The following DSE variants were observed in gnomAD, a reference collection of about 807,000 sequenced individuals.
DSE encodes the protein dermatan sulfate epimerase, also known as dermatan-sulfate epimerase.
Under a neutral mutation model 84.4 loss-of-function variants are expected in DSE, and 36 were observed. The observed-to-expected ratio is 0.43, with a 90% CI of 0.33 to 0.56. The LOEUF (loss-of-function observed/expected upper bound fraction) is 0.56, where lower values mean the gene tolerates loss of function less well. Ranked by LOEUF, DSE falls within the 20% of genes least tolerant of loss-of-function variation. DSE has a pLI of 0.06. For synonymous variants in DSE, 410 were observed against 430.1 expected (o/e 0.95, Z 0.58); for missense variants, 862 against 1,169.6 (o/e 0.74, Z 3.84).
chr6:116,286,484 C>G (rs1773913395), intron 2 of DSE, among the ~76,000 whole-genome samples: 1 of 152,126 alleles, frequency 6.6e-6, no homozygotes, highest in South Asian at 2.1e-4. Flanking sequence ...AGTATTTTCT[C>G]AACTCTATCA....
At chr6:116,276,387 C>A (rs1352018550) in intron 2 of DSE, among the ~76,000 whole-genome samples, 2 of 152,130 alleles carry the variant, frequency 1.3e-5, no homozygotes, top group Non-Finnish European at 2.9e-5. Flanking sequence ...GGAGGTTGTG[C>A]TGCATAAACT....
chr6:116,259,471 C>T (rs1457573231), intron 2 of DSE, among the ~76,000 whole-genome samples: 3 of 152,182 alleles, frequency 2.0e-5, no homozygotes, highest in Non-Finnish European at 4.4e-5. Context: ...CTTCAATTCA[C>T]ATTTATATCT....
chr6:116,390,204 A>AC (rs1262836108), intron 1 of DSE, among the ~76,000 whole-genome samples: 4 of 151,782 alleles, frequency 2.6e-5, no homozygotes, highest in Non-Finnish European at 5.9e-5. Flanking sequence ...AGTAGCTGGG[A>AC]CCCCAGGTAC....
chr6:116,426,725 G>GAA lies in DSE; in HGVS notation c.570_571dup (p.Thr191LysfsTer29). On this transcript the variant is annotated frameshift_variant, in exon 3 of 6. Coordinates refer to ENST00000644252, the MANE Select transcript of DSE (RefSeq NM_013352.4). LOFTEE classifies it high-confidence loss of function. The stretch of plus-strand genomic sequence containing the variant: ...TGCCAATGCCTCAGGGTATATGTAT[G>GAA]AAACTTCATACAGGAGAGGATGGGG... The GAA allele has an allele frequency of 6.2e-7, 1 of 1,614,156 alleles. No homozygotes were observed. Among genetic ancestry groups the GAA allele is most frequent in the Non-Finnish European group, 8.5e-7 (1 of 1,180,028 alleles).
chr6:116,308,890 G>A (rs977402538), intron 2 of DSE, among the ~76,000 whole-genome samples: 1 of 152,014 alleles, frequency 6.6e-6, no homozygotes, highest in Non-Finnish European at 1.5e-5. Context: ...GCCCGGCCTT[G>A]TTGCATTCTT....
At chr6:116,262,130 C>A (rs1214460294) in intron 2 of DSE, among the ~76,000 whole-genome samples, 1 of 152,092 alleles carries the variant, frequency 6.6e-6, no homozygotes, top group Non-Finnish European at 1.5e-5. Context: ...AGGGAGGATT[C>A]CCTCCTTTTC....
intron 2 of DSE, among the ~76,000 whole-genome samples, chr6:116,331,787 T>G (rs1283459051): frequency 2.6e-5 from 4 of 152,010 alleles, no homozygotes; most frequent in Non-Finnish European, 4.4e-5. Flanking sequence ...TGAAACCCTG[T>G]CTCTACTAAA....
At chr6:116,308,225 T>C (rs945840350) in intron 2 of DSE, among the ~76,000 whole-genome samples, 2 of 152,236 alleles carry the variant, frequency 1.3e-5, no homozygotes. Context: ...CTGCCTGTTA[T>C]ATTGTATGTT....
Position 116,334,255 on chromosome 6 carries a change from A to G in DSE, c.-53-64943A>G, listed in dbSNP as rs539300023. 8.5e-5 allele frequency among the ~76,000 whole-genome samples: 13 copies of G among 152,180 alleles called. No homozygotes were observed. In the South Asian group the frequency reaches 2.7e-3, roughly 32 times the overall value. ...TCAGAGTAGGCAAGTCCCCATTTCA[A>G]CCCTTTTAAAGAAAGCTTGAAATCA... On this transcript the variant is annotated intron_variant, in intron 2 of 3. Transcript: ENST00000430252.
chr6:116,261,342 C>T (rs1772405885), intron 2 of DSE, among the ~76,000 whole-genome samples: 1 of 152,126 alleles, frequency 6.6e-6, no homozygotes, highest in Non-Finnish European at 1.5e-5. Context: ...ACTCTCCTGC[C>T]TCAGCCTCCC....
rs568951375 is a variant in DSE, at chr6:116,305,078, G to T, written c.-54+46111G>T. Among the ~76,000 whole-genome samples the T allele has an allele frequency of 7.2e-5, 11 of 151,742 alleles. No individual in the cohort carries two copies. The East Asian group carries it at 1.2e-3, about 16-fold the overall frequency. On this transcript the variant is annotated intron_variant, in intron 2 of 3. Transcript: ENST00000430252. The stretch of plus-strand genomic sequence containing the variant: ...GAATCAAACAAAAACAAAATCTGCT[G>T]TTTATCCTGTAGTCCTTGTCACTCC...
intron 2 of DSE, chr6:116,277,022 G>C (rs1245267818): frequency 6.6e-6 from 1 of 152,282 alleles, no homozygotes; most frequent in Admixed American, 6.5e-5. Flanking sequence ...GTTGAAAACT[G>C]TTATGACTAT....
rs1784449576 is a variant in DSE, at chr6:116,442,198, A to C, written c.*4853A>C. On this transcript the variant is annotated 3_prime_UTR_variant, in exon 6 of 6. Transcript: ENST00000644252. ...TGTGTTTGGTGTATTTAGGACTAGG[A>C]GGCCAGTGTGGCTAGAGCAGAGTGG... 6.6e-6 allele frequency: 1 copy of C among 152,392 alleles called. No homozygotes were observed. Among genetic ancestry groups the C allele is most frequent in the African/African-American group, 2.4e-5 (1 of 41,414 alleles). 9.4% of individuals were successfully genotyped at this position (152,392 alleles called of 1,614,324 possible).
At chr6:116,388,608 A>G (rs6917503) in intron 1 of DSE, among the ~76,000 whole-genome samples, 3,210 of 152,334 alleles carry the variant, frequency 0.021, 120 homozygotes, top group African/African-American at 0.073. Context: ...AAGATAATAT[A>G]CATTGGCATT....
chr6:116,376,024 A>C (rs1779901367), intron 1 of DSE, among the ~76,000 whole-genome samples: 1 of 152,166 alleles, frequency 6.6e-6, no homozygotes, highest in Non-Finnish European at 1.5e-5. Context: ...GTGACTCCAA[A>C]TTCATATTAT....
chr6:116,301,401 G>A (rs537500736), intron 2 of DSE, among the ~76,000 whole-genome samples: 7 of 152,258 alleles, frequency 4.6e-5, no homozygotes, highest in Non-Finnish European at 8.8e-5. Flanking sequence ...GGGAGGTTCC[G>A]TCTGCTCAGA....
chr6:116,275,858 C>T (rs1773116820), intron 2 of DSE, among the ~76,000 whole-genome samples: 1 of 151,010 alleles, frequency 6.6e-6, no homozygotes, highest in South Asian at 2.1e-4. Context: ...TGCATCTCCA[C>T]TTTCACAAAG....
At chr6:116,339,002 C>T (rs1349602945) in intron 2 of DSE, among the ~76,000 whole-genome samples, 1 of 152,138 alleles carries the variant, frequency 6.6e-6, no homozygotes, top group Admixed American at 6.5e-5. Flanking sequence ...TCTCATGCGC[C>T]CTGTGCTAGA....
At chr6:116,336,219 A>T (rs1419510169) in intron 2 of DSE, among the ~76,000 whole-genome samples, 1 of 152,212 alleles carries the variant, frequency 6.6e-6, no homozygotes, top group Non-Finnish European at 1.5e-5. Flanking sequence ...ATACACTCCT[A>T]TTGAAAAAGT....
Sources: allele counts gnomAD v4.1 joint callset (sites outside exome capture counted in the v4.1 genomes callset), GRCh38; gene constraint gnomAD v4.1.1; transcripts MANE v1.5; gene names NCBI Gene and HGNC (gene_info 2026-07-23, HGNC 2026-07-21).